USP9X: variants seen among roughly 807,000 people sequenced by gnomAD.
USP9X encodes the protein ubiquitin carboxyl-terminal hydrolase 9X.
Under a neutral mutation model 190.3 loss-of-function variants are expected in USP9X, and 7 were observed. That is an observed-to-expected ratio of 0.04 (90% confidence interval 0.02 to 0.07). The LOEUF is 0.07. Ranked by LOEUF, USP9X falls within the 10% of genes least tolerant of loss-of-function variation. USP9X has a pLI of 1.00. For missense variants in USP9X, 1,010 were observed against 1,916.9 expected (o/e 0.53, Z 8.83); for synonymous variants, 645 against 659.5 (o/e 0.98, Z 0.34).
chrX:41,175,820 C>G (rs1390411380), intron 21 of USP9X, among the ~76,000 whole-genome samples: 1 of 105,469 alleles, frequency 9.5e-6, no homozygotes, highest in African/African-American at 3.5e-5. Context: ...TTTACAAAAC[C>G]ATGGGGTCAC....
chrX:41,222,538 A>T (rs993765805), intron 38 of USP9X, among the ~76,000 whole-genome samples: 1 of 111,847 alleles, frequency 8.9e-6, no homozygotes, highest in Non-Finnish European at 1.9e-5. Flanking sequence ...TTTGCTTCTC[A>T]TTTAATGTAG....
At chrX:41,096,867 A>C (rs1244623697) in intron 1 of USP9X, among the ~76,000 whole-genome samples, 1 of 112,379 alleles carries the variant, frequency 8.9e-6, no homozygotes, top group Non-Finnish European at 1.9e-5. Context: ...TACTTTTTTA[A>C]GTTCTTAAAT....
intron 34 of USP9X, among the ~76,000 whole-genome samples, chrX:41,215,070 C>T (rs2063200267): frequency 1.8e-5 from 2 of 112,038 alleles, no homozygotes; most frequent in Admixed American, 1.9e-4. Context: ...GAAAACATTT[C>T]TCCTGTCATG....
chrX:41,205,633 G>GTT (rs372217330), intron 32 of USP9X, 140 bp downstream of exon 32: 1,516 of 336,430 alleles, frequency 4.5e-3, no homozygotes, highest in Non-Finnish European at 5.4e-3. Flanking sequence ...AATTGGGTGG[G>GTT]TTTTTTTTTT....
chrX:41,206,646 T>A (rs1234245689), intron 32 of USP9X, among the ~76,000 whole-genome samples: 2 of 111,713 alleles, frequency 1.8e-5, no homozygotes, highest in Non-Finnish European at 3.8e-5. Flanking sequence ...GTATTATTTT[T>A]CTTTTTGTGG....
chrX:41,155,982 C>T (rs1206529443), intron 14 of USP9X, among the ~76,000 whole-genome samples: 1 of 111,806 alleles, frequency 8.9e-6, no homozygotes. Context: ...TGAAAATACT[C>T]ATGTAGACAA....
intron 1 of USP9X, among the ~76,000 whole-genome samples, chrX:41,115,926 A>G (rs1000618690): frequency 4.5e-5 from 5 of 111,871 alleles, no homozygotes; most frequent in Non-Finnish European, 9.4e-5. Context: ...AGAAAGGATA[A>G]TTCTTTGTTC....
At chrX:41,170,982 G>A (rs767359154) in intron 20 of USP9X, among the ~76,000 whole-genome samples, 15 of 111,572 alleles carry the variant, frequency 1.3e-4, no homozygotes, top group African/African-American at 4.2e-4. Flanking sequence ...ATGACCCTGT[G>A]CAACCAGATA....
chrX:41,201,375 ATT>A (rs1218664264), intron 31 of USP9X, 95 bp downstream of exon 31: 11 of 863,408 alleles, frequency 1.3e-5, no homozygotes, highest in Non-Finnish European at 1.8e-5. Context: ...CATCAAACGT[ATT>A]AAAGTATATT....
chrX:41,202,362 T>C (rs994825275), intron 31 of USP9X, among the ~76,000 whole-genome samples: 2 of 112,475 alleles, frequency 1.8e-5, no homozygotes, highest in Non-Finnish European at 3.8e-5. Context: ...GATAGCTCTT[T>C]AAAGAAGAGC....
chrX:41,190,448 TAACAGGA>T (rs1247171512), intron 26 of USP9X, among the ~76,000 whole-genome samples: 1 of 110,989 alleles, frequency 9.0e-6, no homozygotes, highest in Non-Finnish European at 1.9e-5. Context: ...CAGAAACTCT[TAACAGGA>T]TCCCCACAAA....
chrX:41,215,552 C>T (rs1045782915), intron 34 of USP9X, among the ~76,000 whole-genome samples: 1 of 112,568 alleles, frequency 8.9e-6, no homozygotes, highest in African/African-American at 3.2e-5. Flanking sequence ...TATATATTAC[C>T]TGGCATCTGA....
chrX:41,094,695 A>G (rs1408685592), intron 1 of USP9X, among the ~76,000 whole-genome samples: 3 of 110,725 alleles, frequency 2.7e-5, no homozygotes, highest in East Asian at 5.6e-4. Context: ...TTTTTTCCCC[A>G]TATTTTGGAA....
chrX:41,098,515 G>GT (rs1345303766), intron 1 of USP9X, among the ~76,000 whole-genome samples: 1 of 109,974 alleles, frequency 9.1e-6, no homozygotes, highest in Non-Finnish European at 1.9e-5. Context: ...ATATACTCCT[G>GT]TATCTGGCTG....
chrX:41,102,439 G>A (rs1245598784), intron 1 of USP9X, among the ~76,000 whole-genome samples: 1 of 110,428 alleles, frequency 9.1e-6, no homozygotes, highest in African/African-American at 3.3e-5. Context: ...CCAACATAGG[G>A]AAAACCTGTC....
At chrX:41,087,161 G>C (rs1208834626) in intron 1 of USP9X, among the ~76,000 whole-genome samples, 1 of 112,929 alleles carries the variant, frequency 8.9e-6, no homozygotes, top group Non-Finnish European at 1.9e-5. Flanking sequence ...AAATAAGCAA[G>C]TTGTAGGTAT....
chrX:41,172,148 CA>C lies in USP9X; in HGVS notation c.3148+200del, dbSNP rs143523515. On this transcript the variant is annotated intron_variant, in intron 21 of 44. Transcript: ENST00000378308. ...CAAGAGCTATATTTTTAAGTGGCTACAAAAAAAAAATCTAGAAGAATAATAT... is the reference window on the plus strand; with the variant it reads ...CAAGAGCTATATTTTTAAGTGGCTACAAAAAAAAATCTAGAAGAATAATAT... 3.3e-3 allele frequency among the ~76,000 whole-genome samples: 346 copies of C among 105,217 alleles called. 1 individual carries two copies. Among genetic ancestry groups the C allele is most frequent in the African/African-American group, 5.5e-3 (161 of 29,026 alleles). 91.4% of individuals were successfully genotyped at this position (105,217 alleles called of 115,157 possible).
At chrX:41,111,556 G>A (rs901843685) in intron 1 of USP9X, among the ~76,000 whole-genome samples, 4 of 111,922 alleles carry the variant, frequency 3.6e-5, no homozygotes, top group Non-Finnish European at 5.6e-5. Flanking sequence ...TGAGAAAATA[G>A]GGTAGCTGGC....
At chrX:41,225,554 C>T (rs183621156) in intron 41 of USP9X, among the ~76,000 whole-genome samples, 10 of 112,133 alleles carry the variant, frequency 8.9e-5, no homozygotes, top group South Asian at 7.3e-4. Context: ...CAGGTAAGTA[C>T]GGTTTCCATT....
Sources: allele counts gnomAD v4.1 joint callset (sites outside exome capture counted in the v4.1 genomes callset), GRCh38; gene constraint gnomAD v4.1.1; transcripts MANE v1.5; gene names NCBI Gene and HGNC (gene_info 2026-07-23, HGNC 2026-07-21).